PELI2: variants seen among roughly 807,000 people sequenced by gnomAD.
The protein encoded by PELI2 is pellino E3 ubiquitin protein ligase family member 2.
A neutral mutation model predicts 42.3 loss-of-function variants in PELI2; 23 were observed. That is an observed-to-expected ratio of 0.54 (90% CI 0.39 to 0.77). The LOEUF (loss-of-function observed/expected upper bound fraction) is 0.77. Among genes scored for constraint, PELI2 ranks in the 30% least tolerant of loss-of-function variants. The probability of loss-of-function intolerance (pLI) is 0.00; values close to 1 mark genes in which losing one functional copy is unlikely to be tolerated. For synonymous variants in PELI2, 245 were observed against 212.2 expected (o/e 1.15, Z -1.34); for missense variants, 463 against 553.2 (o/e 0.84, Z 1.64).
chr14:56,293,664 A>C (rs1160207761), intron 5 of PELI2, among the ~76,000 whole-genome samples: 1 of 152,210 alleles, frequency 6.6e-6, no homozygotes, highest in African/African-American at 2.4e-5. Flanking sequence ...GGTCTGGAGG[A>C]GGTCACAGAC....
chr14:56,292,129 A>G (rs896350901), intron 5 of PELI2, among the ~76,000 whole-genome samples: 6 of 152,242 alleles, frequency 3.9e-5, no homozygotes, highest in African/African-American at 1.2e-4. Context: ...AGTGCGACTG[A>G]AAAGAACGAA....
At chr14:56,213,132 G>A (rs764459479) in intron 2 of PELI2, among the ~76,000 whole-genome samples, 3 of 152,198 alleles carry the variant, frequency 2.0e-5, no homozygotes, top group Admixed American at 2.0e-4. Context: ...GTGACTGCAG[G>A]TAAACTGTCT....
At chr14:56,208,131 G>A (rs2139722058) in intron 2 of PELI2, among the ~76,000 whole-genome samples, 1 of 152,328 alleles carries the variant, frequency 6.6e-6, no homozygotes, top group East Asian at 1.9e-4. Flanking sequence ...TGTCTGGTGA[G>A]CAAAGAAAGA....
intron 2 of PELI2, among the ~76,000 whole-genome samples, chr14:56,258,853 CAAG>C (rs1258225286): frequency 6.6e-6 from 1 of 151,952 alleles, no homozygotes; most frequent in African/African-American, 2.4e-5. Flanking sequence ...AGTCTAGAAC[CAAG>C]AAGCTCAGTG....
chr14:56,178,528 C>T, intron 2 of PELI2, 64 bp downstream of exon 2: 3 of 1,547,110 alleles, frequency 1.9e-6, no homozygotes, highest in South Asian at 1.1e-5. Context: ...TACTCCTTGT[C>T]CGCTGCTCTC....
At chr14:56,247,797 T>A (rs1245003788) in intron 2 of PELI2, among the ~76,000 whole-genome samples, 1 of 152,230 alleles carries the variant, frequency 6.6e-6, no homozygotes. Context: ...TGTATAGAAA[T>A]GTCGAGACAG....
intron 1 of PELI2, among the ~76,000 whole-genome samples, chr14:56,127,553 A>G (rs17091053): frequency 0.072 from 10,927 of 152,278 alleles, 679 homozygotes; most frequent in South Asian, 0.27. Flanking sequence ...AAGCAAGCCA[A>G]GGCAGAAGAT....
chr14:56,148,324 A>T (rs192752127), intron 1 of PELI2, among the ~76,000 whole-genome samples: 2 of 152,180 alleles, frequency 1.3e-5, no homozygotes, highest in Non-Finnish European at 2.9e-5. Context: ...ATGAAAAGAG[A>T]TGTGACCCTG....
chr14:56,221,544 C>T (rs1410212759), intron 2 of PELI2, among the ~76,000 whole-genome samples: 7 of 152,222 alleles, frequency 4.6e-5, no homozygotes, highest in Admixed American at 4.6e-4. Context: ...TTCTCTAAAA[C>T]TCCTTTGTCT....
chr14:56,272,615 G>A (rs1484703539), intron 2 of PELI2, among the ~76,000 whole-genome samples: 1 of 152,196 alleles, frequency 6.6e-6, no homozygotes, highest in Non-Finnish European at 1.5e-5. Context: ...GGTGGCCTTT[G>A]TCTTCTCTGG....
intron 2 of PELI2, among the ~76,000 whole-genome samples, chr14:56,184,405 C>T (rs539746183): frequency 3.9e-5 from 6 of 152,146 alleles, no homozygotes; most frequent in African/African-American, 1.4e-4. Context: ...GGGAAAAACT[C>T]TTACATTGCC....
intron 1 of PELI2, among the ~76,000 whole-genome samples, chr14:56,139,120 C>T (rs536437921): frequency 2.0e-4 from 31 of 152,158 alleles, no homozygotes; most frequent in Non-Finnish European, 4.0e-4. Flanking sequence ...CCTTGCTTCT[C>T]GCACACCCTA....
intron 1 of PELI2, among the ~76,000 whole-genome samples, chr14:56,131,697 T>G (rs1883489573): frequency 6.6e-6 from 1 of 152,190 alleles, no homozygotes; most frequent in Non-Finnish European, 1.5e-5. Flanking sequence ...TTTCCCCAGA[T>G]GGAAAAGGCC....
chr14:56,254,287 T>C (rs2139820832), intron 2 of PELI2, among the ~76,000 whole-genome samples: 1 of 151,974 alleles, frequency 6.6e-6, no homozygotes, highest in South Asian at 2.1e-4. Context: ...TAGTCCCAGC[T>C]ATTCGGAAGG....
At chr14:56,291,387 G>A (rs1001987477) in intron 5 of PELI2, among the ~76,000 whole-genome samples, 8 of 152,260 alleles carry the variant, frequency 5.3e-5, no homozygotes, top group Middle Eastern at 3.4e-3. Context: ...CTCATTTGCT[G>A]TTCTCTACTG....
chr14:56,118,842 G>C, intron 1 of PELI2, 105 bp downstream of exon 1: 2 of 644,178 alleles, frequency 3.1e-6, no homozygotes, highest in Admixed American at 4.4e-5. Context: ...GGACCGCCGG[G>C]GCGCTCGGGG....
At chr14:56,264,652 G>A (rs1398113663) in intron 2 of PELI2, among the ~76,000 whole-genome samples, 3 of 152,092 alleles carry the variant, frequency 2.0e-5, no homozygotes, top group Non-Finnish European at 2.9e-5. Context: ...CATTACCCAG[G>A]GGCAGGAAAA....
intron 2 of PELI2, among the ~76,000 whole-genome samples, chr14:56,221,118 A>G (rs563175860): frequency 6.6e-6 from 1 of 152,292 alleles, no homozygotes; most frequent in South Asian, 2.1e-4. Flanking sequence ...CATTTCATAG[A>G]CTGCACCAGA....
intron 2 of PELI2, among the ~76,000 whole-genome samples, chr14:56,234,338 C>T (rs182713501): frequency 6.6e-6 from 1 of 152,138 alleles, no homozygotes; most frequent in African/African-American, 2.4e-5. Context: ...ATAGCAAAGA[C>T]CTGGAACCAG....
Sources: gnomAD v4.1 joint callset for allele counts (sites outside exome capture counted in the v4.1 genomes callset) on GRCh38, gnomAD v4.1.1 for gene constraint, MANE v1.5 for transcripts, NCBI Gene and HGNC (gene_info 2026-07-23, HGNC 2026-07-21) for gene names.